EEFSEC: variants seen among roughly 807,000 people sequenced by gnomAD.
The protein encoded by EEFSEC is selenocysteine-specific elongation factor.
EEFSEC carries 43 observed loss-of-function variants against 42.1 expected under a neutral mutation model. The observed-to-expected ratio is 1.02, with a 90% CI of 0.80 to 1.32. The LOEUF is 1.32. EEFSEC is among the 40% of genes most tolerant of loss of function. EEFSEC has a pLI of 0.00. For synonymous variants in EEFSEC, 354 were observed against 339.1 expected (o/e 1.04, Z -0.48); for missense variants, 745 against 803.6 (o/e 0.93, Z 0.88).
At chr3:128,420,236 T>C in the EEFSEC span, among the ~76,000 whole-genome samples, 1 of 152,244 alleles carries the variant, frequency 6.6e-6, no homozygotes, top group Non-Finnish European at 1.5e-5. Flanking sequence ...CAGAACTGAC[T>C]GCAATTAAAG....
intron 1 of EEFSEC, among the ~76,000 whole-genome samples, chr3:128,192,488 C>T (rs1400216823): frequency 6.6e-6 from 1 of 152,120 alleles, no homozygotes; most frequent in African/African-American, 2.4e-5. Context: ...TTCCTGTCAC[C>T]CTGGCTGCCT....
chr3:128,391,102 T>C (rs959659787), intron 6 of EEFSEC, among the ~76,000 whole-genome samples: 18 of 152,358 alleles, frequency 1.2e-4, no homozygotes, highest in Middle Eastern at 3.4e-3. Context: ...CCTGCGTGAT[T>C]CCCTCACCTC....
downstream of EEFSEC, among the ~76,000 whole-genome samples, chr3:128,409,727 G>A (rs2068160659): frequency 6.6e-6 from 1 of 152,208 alleles, no homozygotes; most frequent in Admixed American, 6.5e-5. Flanking sequence ...CTGCCTAGGA[G>A]CCGACTCCCC....
intron 5 of EEFSEC, among the ~76,000 whole-genome samples, chr3:128,349,233 G>A (rs112005530): frequency 5.1e-4 from 77 of 152,240 alleles, no homozygotes; most frequent in African/African-American, 1.7e-3. Context: ...CACCCTGCAG[G>A]GGGGAGTAAT....
chr3:128,375,900 C>T (rs2067704605), intron 6 of EEFSEC, among the ~76,000 whole-genome samples: 1 of 152,212 alleles, frequency 6.6e-6, no homozygotes, highest in Non-Finnish European at 1.5e-5. Context: ...CCACCACACA[C>T]CCTTTATATG....
chr3:128,328,205 G>C (rs546989542), intron 4 of EEFSEC, among the ~76,000 whole-genome samples: 34 of 152,312 alleles, frequency 2.2e-4, no homozygotes, highest in African/African-American at 7.0e-4. Context: ...CAGTGAATCT[G>C]GCCCCAAGTC....
intron 1 of EEFSEC, among the ~76,000 whole-genome samples, chr3:128,199,460 A>G (rs993950311): frequency 1.1e-4 from 16 of 152,168 alleles, no homozygotes; most frequent in African/African-American, 3.1e-4. Flanking sequence ...CTGCTTAGCA[A>G]TGTCTTGGAG....
chr3:128,210,207 G>A (rs1278130731), intron 1 of EEFSEC, among the ~76,000 whole-genome samples: 1 of 152,222 alleles, frequency 6.6e-6, no homozygotes, highest in African/African-American at 2.4e-5. Context: ...TGGCAGGACT[G>A]GGGGACAAAC....
At chr3:128,308,388 T>C (rs1427622787) in intron 4 of EEFSEC, among the ~76,000 whole-genome samples, 1 of 152,184 alleles carries the variant, frequency 6.6e-6, no homozygotes, top group Non-Finnish European at 1.5e-5. Flanking sequence ...TAGCTTTCCT[T>C]GAGTACCTAC....
At chr3:128,367,308 G>A (rs928097771) in intron 6 of EEFSEC, among the ~76,000 whole-genome samples, 6 of 152,204 alleles carry the variant, frequency 3.9e-5, no homozygotes, top group Non-Finnish European at 4.4e-5. Flanking sequence ...TTGTGTATTG[G>A]CAGCCACATG....
intron 1 of EEFSEC, among the ~76,000 whole-genome samples, chr3:128,234,307 C>T (rs1196595373): frequency 1.3e-5 from 2 of 152,200 alleles, no homozygotes; most frequent in African/African-American, 4.8e-5. Flanking sequence ...CCCACCTCGG[C>T]CTCCCAAAAT....
chr3:128,179,102 C>G (rs1241563391), intron 1 of EEFSEC, among the ~76,000 whole-genome samples: 2 of 152,110 alleles, frequency 1.3e-5, no homozygotes, highest in African/African-American at 2.4e-5. Context: ...CTGATTTAGT[C>G]TACTAAAATA....
intron 6 of EEFSEC, among the ~76,000 whole-genome samples, chr3:128,360,981 G>A (rs2067518925): frequency 6.9e-6 from 1 of 144,704 alleles, no homozygotes; most frequent in Non-Finnish European, 1.5e-5. Context: ...TCTTCAGGAA[G>A]CCTGAGCCAT....
At chr3:128,214,943 C>T (rs4857871) in intron 1 of EEFSEC, among the ~76,000 whole-genome samples, 107,458 of 152,114 alleles carry the variant, frequency 0.71, 38,186 homozygotes, top group East Asian at 0.89. Flanking sequence ...AATCATGTAA[C>T]ATCAGAAACC....
At chr3:128,310,041 G>A (rs2066873660) in intron 4 of EEFSEC, among the ~76,000 whole-genome samples, 1 of 152,250 alleles carries the variant, frequency 6.6e-6, no homozygotes, top group South Asian at 2.1e-4. Flanking sequence ...TACACCTTGT[G>A]CAGCTTAATG....
At chr3:128,160,806 GCACA>G (rs148477795) in intron 1 of EEFSEC, among the ~76,000 whole-genome samples, 6 of 149,590 alleles carry the variant, frequency 4.0e-5, no homozygotes, top group Non-Finnish European at 6.0e-5. Flanking sequence ...ACACACGCGC[GCACA>G]CACACACACA....
At chr3:128,379,912 T>C (rs2067754348) in intron 6 of EEFSEC, among the ~76,000 whole-genome samples, 1 of 152,266 alleles carries the variant, frequency 6.6e-6, no homozygotes, top group Non-Finnish European at 1.5e-5. Context: ...ATGAGTCATG[T>C]GGCCAGCCTC....
chr3:128,303,899 A>G (rs2066797452), intron 4 of EEFSEC, among the ~76,000 whole-genome samples: 1 of 152,190 alleles, frequency 6.6e-6, no homozygotes, highest in Admixed American at 6.5e-5. Flanking sequence ...CATGTTAACT[A>G]GTAGCACCAG....
chr3:128,402,088 G>A (rs1028735181), intron 6 of EEFSEC, among the ~76,000 whole-genome samples: 1 of 152,218 alleles, frequency 6.6e-6, no homozygotes, highest in East Asian at 1.9e-4. Flanking sequence ...GCTGGATGCC[G>A]GAGGCCACAG....
Sources: allele counts gnomAD v4.1 joint callset (sites outside exome capture counted in the v4.1 genomes callset), GRCh38; gene constraint gnomAD v4.1.1; transcripts MANE v1.5; gene names NCBI Gene and HGNC (gene_info 2026-07-23, HGNC 2026-07-21).